GAD1: variants seen among roughly 807,000 people sequenced by gnomAD.
GAD1 encodes the protein glutamate decarboxylase 1.
A neutral mutation model predicts 75.2 loss-of-function variants in GAD1; 35 were observed. The ratio of observed to expected loss-of-function variants is 0.47; its 90% CI spans 0.36 to 0.62. The LOEUF is 0.62. GAD1 is among the 20% of genes least tolerant of loss of function. The pLI is 0.00. For missense variants in GAD1, 490 were observed against 758.5 expected (o/e 0.65, Z 4.16); for synonymous variants, 257 against 271.9 (o/e 0.95, Z 0.54).
chr2:170,845,136 C>G (rs1269854062), intron 7 of GAD1, among the ~76,000 whole-genome samples: 1 of 152,174 alleles, frequency 6.6e-6, no homozygotes, highest in African/African-American at 2.4e-5. Flanking sequence ...ACAGATTCAT[C>G]TTTGTTCAGT....
At chr2:170,852,605 G>A in intron 12 of GAD1, 109 bp from the exon 13 acceptor site, 2 of 877,090 alleles carry the variant, frequency 2.3e-6, no homozygotes, top group Non-Finnish European at 3.8e-6. Flanking sequence ...CAGGAGAATA[G>A]GCATGGATAA....
rs370655065 is a variant in GAD1 at position 170,848,368 on chromosome 2, T to G, written c.1119+576T>G. Among the ~76,000 whole-genome samples the G allele has an allele frequency of 2.2e-4, 33 of 152,032 alleles. 1 individual carries two copies. In the East Asian group the frequency reaches 3.5e-3, roughly 16 times the overall value. On this transcript the variant is annotated intron_variant, in intron 11 of 16. Transcript: ENST00000358196. ...CAAAAATTAGCTGGGTGTGGTGGCATGTGCCTATAATCCCAGCTACTCTGG... is the reference window on the plus strand; with the variant it reads ...CAAAAATTAGCTGGGTGTGGTGGCAGGTGCCTATAATCCCAGCTACTCTGG...
chr2:170,816,637 G>T (rs913652148), upstream of GAD1: 1 of 151,624 alleles, frequency 6.6e-6, no homozygotes, highest in Non-Finnish European at 1.5e-5. Context: ...AAAAAAAAGC[G>T]TGTTGAGTAC....
chr2:170,857,205 G>A, intron 15 of GAD1, 80 bp downstream of exon 15: 2 of 1,103,656 alleles, frequency 1.8e-6, no homozygotes, highest in Non-Finnish European at 2.8e-6. Flanking sequence ...CTGGCAACAT[G>A]GGAAAATCAA....
At chr2:170,831,361 G>A (rs1702218239) in intron 5 of GAD1, among the ~76,000 whole-genome samples, 169 bp downstream of exon 5, 1 of 152,120 alleles carries the variant, frequency 6.6e-6, no homozygotes, top group Non-Finnish European at 1.5e-5. Context: ...AACAGTTGGT[G>A]GAGGGACCCG....
At chr2:170,852,838 G>A in intron 13 of GAD1, 46 bp downstream of exon 13, 1 of 1,558,624 alleles carries the variant, frequency 6.4e-7, no homozygotes, top group South Asian at 1.1e-5. Context: ...ACGTTCTTTA[G>A]AAAGCACAAA....
chr2:170,843,655 A>G (rs1257164236), intron 6 of GAD1: 1 of 154,632 alleles, frequency 6.5e-6, no homozygotes, highest in Non-Finnish European at 1.4e-5. Flanking sequence ...TTGTAAACCA[A>G]TTTTACATAG....
At chr2:170,831,275 T>C in intron 5 of GAD1, 83 bp downstream of exon 5, 2 of 1,486,736 alleles carry the variant, frequency 1.3e-6, no homozygotes, top group Non-Finnish European at 1.9e-6. Context: ...ATCAAACTTG[T>C]GTTGGAAGAA....
intron 2 of GAD1, among the ~76,000 whole-genome samples, chr2:170,821,378 C>T (rs1701874182): frequency 6.6e-6 from 1 of 152,096 alleles, no homozygotes; most frequent in Non-Finnish European, 1.5e-5. Flanking sequence ...TGCTTGATTC[C>T]ATTTACCTTT....
In GAD1 at chr2:170,849,336, C is replaced by T; in HGVS notation, c.1170C>T (p.Leu390=). ...TGTCCAGGAAGCACCGCCATAAACT[C>T]AACGGCATAGAAAGGTAACGGCCAG... ...LLMSRKHRHK[L]NGIERANSVT... Residue 390 remains leucine, a synonymous_variant, in exon 12 of 17, where the codon CTC becomes CTT. Coordinates refer to ENST00000358196, the MANE Select transcript of GAD1 (RefSeq NM_000817.3). The T allele has an allele frequency of 6.2e-7, 1 of 1,614,140 alleles. No homozygotes were observed. The highest frequency in any genetic ancestry group is 8.5e-7 in the Non-Finnish European group (1 of 1,180,016).
At chr2:170,832,166 T>C (rs1359809777) in intron 5 of GAD1, among the ~76,000 whole-genome samples, 1 of 152,180 alleles carries the variant, frequency 6.6e-6, no homozygotes, top group South Asian at 2.1e-4. Flanking sequence ...AATGCCATTA[T>C]AAATGACCAC....
intron 5 of GAD1, among the ~76,000 whole-genome samples, chr2:170,832,225 A>C (rs1460593273): frequency 6.6e-6 from 1 of 152,186 alleles, no homozygotes. Flanking sequence ...ACAATTCTGG[A>C]GGCTAGGAGT....
In GAD1 at chr2:170,821,928, G is replaced by A. The variant is rs1031889791; in HGVS notation, c.83-159G>A. On this transcript the variant is annotated intron_variant, in intron 2 of 16. Transcript: ENST00000358196. ...TGGGGGCTTAGAGTATATGCCTGTCGGCTCACAGATTTGGCTCCTAGCTCC... is the reference window on the plus strand; with the variant it reads ...TGGGGGCTTAGAGTATATGCCTGTCAGCTCACAGATTTGGCTCCTAGCTCC... 5.6e-5 allele frequency: 38 copies of A among 684,372 alleles called. No individual in the cohort carries two copies. In the Middle Eastern group the frequency reaches 9.5e-4, roughly 17 times the overall value. 42.4% of individuals were successfully genotyped at this position (684,372 alleles called of 1,614,324 possible).
At chr2:170,828,333 GTCATCT>G in intron 3 of GAD1, among the ~76,000 whole-genome samples, 1 of 101,398 alleles carries the variant, frequency 9.9e-6, no homozygotes, top group Non-Finnish European at 1.9e-5. Flanking sequence ...TCCCTCTGCT[GTCATCT>G]TCCTCCCTCT....
chr2:170,813,447 C>G (rs1394129950), upstream of GAD1: 1 of 151,518 alleles, frequency 6.6e-6, no homozygotes, highest in Non-Finnish European at 1.5e-5. Flanking sequence ...TTTTTTTTTC[C>G]TTTCTGGTCA....
intron 5 of GAD1, among the ~76,000 whole-genome samples, chr2:170,834,801 T>G (rs964032895): frequency 2.6e-5 from 4 of 151,700 alleles, no homozygotes; most frequent in Non-Finnish European, 4.4e-5. Context: ...GTTTCAATCT[T>G]GTTGCCCAAG....
chr2:170,834,098 G>T (rs145129542), intron 5 of GAD1, among the ~76,000 whole-genome samples: 4 of 151,966 alleles, frequency 2.6e-5, no homozygotes, highest in Non-Finnish European at 5.9e-5. Context: ...ATTCATTTTT[G>T]TTCCTCAGAG....
chr2:170,859,158 A>G (rs1440476972), intron 16 of GAD1, among the ~76,000 whole-genome samples: 1 of 152,176 alleles, frequency 6.6e-6, no homozygotes, highest in African/African-American at 2.4e-5. Context: ...AAGGAGCCCT[A>G]TGCAGGGTAA....
chr2:170,840,467 T>G (rs1445753853), intron 6 of GAD1, among the ~76,000 whole-genome samples: 1 of 152,152 alleles, frequency 6.6e-6, no homozygotes, highest in Non-Finnish European at 1.5e-5. Context: ...GTTCCCAGTT[T>G]GACAGTCACC....
Sources: allele counts gnomAD v4.1 joint callset (sites outside exome capture counted in the v4.1 genomes callset), GRCh38; gene constraint gnomAD v4.1.1; transcripts MANE v1.5; gene names NCBI Gene and HGNC (gene_info 2026-07-23, HGNC 2026-07-21).